RGS7: variants seen among roughly 807,000 people sequenced by gnomAD.
RGS7 encodes regulator of G protein signaling 7.
In RGS7, 27 loss-of-function variants were observed where a neutral mutation model predicts 81.1. The ratio of observed to expected loss-of-function variants is 0.33; its 90% CI spans 0.25 to 0.46. RGS7 has a LOEUF of 0.46. Ranked by LOEUF, RGS7 falls within the 20% of genes least tolerant of loss-of-function variation. The pLI, the probability that RGS7 is intolerant of heterozygous loss-of-function variation, is 1.00. For missense variants in RGS7, 396 were observed against 607.4 expected, an observed-to-expected ratio of 0.65 and a Z score of 3.66; for synonymous variants, 208 against 207.7, an observed-to-expected ratio of 1.00 and a Z score of -0.01.
intron 2 of RGS7, among the ~76,000 whole-genome samples, chr1:241,299,291 A>G (rs977446199): frequency 5.3e-5 from 8 of 152,104 alleles, no homozygotes; most frequent in Admixed American, 6.6e-5. Context: ...CCGTGTTTCC[A>G]TTATTCCCTC....
At chr1:240,944,890 T>C (rs1179606494) in intron 4 of RGS7, among the ~76,000 whole-genome samples, 1 of 152,242 alleles carries the variant, frequency 6.6e-6, no homozygotes, top group East Asian at 1.9e-4. Context: ...ATTTTTGTAT[T>C]TTAGTAGAGA....
At chr1:241,075,070 T>G (rs1415699710) in intron 3 of RGS7, among the ~76,000 whole-genome samples, 1 of 152,148 alleles carries the variant, frequency 6.6e-6, no homozygotes, top group African/African-American at 2.4e-5. Context: ...TCCAATAGCC[T>G]CTACAGAAAG....
intron 2 of RGS7, among the ~76,000 whole-genome samples, chr1:241,221,043 GAAA>G (rs2074947497): frequency 2.4e-5 from 2 of 83,086 alleles, no homozygotes; most frequent in East Asian, 5.9e-4. Flanking sequence ...GGAAGGAAAA[GAAA>G]GAAAGAAAGA....
intron 9 of RGS7, among the ~76,000 whole-genome samples, chr1:240,838,886 C>G (rs1220400339): frequency 6.6e-6 from 1 of 152,058 alleles, no homozygotes; most frequent in Non-Finnish European, 1.5e-5. Flanking sequence ...CCTGCCTCAG[C>G]CTCCTAATTA....
At chr1:240,991,560 A>G (rs1164916721) in intron 3 of RGS7, among the ~76,000 whole-genome samples, 1 of 152,228 alleles carries the variant, frequency 6.6e-6, no homozygotes, top group African/African-American at 2.4e-5. Flanking sequence ...CTTGATGTGC[A>G]GCCTTTATTT....
intron 3 of RGS7, among the ~76,000 whole-genome samples, chr1:241,080,145 G>T (rs1413631869): frequency 6.6e-6 from 1 of 151,860 alleles, no homozygotes; most frequent in Non-Finnish European, 1.5e-5. Flanking sequence ...GTCAAAATGG[G>T]ATTTATTTAG....
intron 10 of RGS7, among the ~76,000 whole-genome samples, chr1:240,824,389 T>A (rs1451532028): frequency 6.6e-6 from 1 of 152,224 alleles, no homozygotes; most frequent in Non-Finnish European, 1.5e-5. Context: ...TAGCTTCCAC[T>A]TCCTGAGCAG....
chr1:240,988,352 T>G (rs1685977979), intron 3 of RGS7, among the ~76,000 whole-genome samples: 1 of 151,980 alleles, frequency 6.6e-6, no homozygotes, highest in Admixed American at 6.6e-5. Flanking sequence ...TAAATTAAAC[T>G]CAATTGAATT....
intron 6 of RGS7, among the ~76,000 whole-genome samples, chr1:240,886,076 T>C (rs1027006026): frequency 1.4e-4 from 22 of 152,330 alleles, no homozygotes; most frequent in Middle Eastern, 3.4e-3. Context: ...AGAAATACCA[T>C]ACTTTAACTG....
chr1:240,930,571 C>T lies in RGS7; in HGVS notation c.385+146G>A, dbSNP rs1675266867. ...GGTCTGGTGACTTTCCAAACAAAGCCGCTTATCAATTCAATGTTAAAAATA... is the reference window on the plus strand; with the variant it reads ...GGTCTGGTGACTTTCCAAACAAAGCTGCTTATCAATTCAATGTTAAAAATA... On this transcript the variant is annotated intron_variant, in intron 6 of 18. Transcript: ENST00000440928. 3.5e-5 allele frequency: 28 copies of T among 799,418 alleles called. 1 individual carries two copies. In the South Asian group the frequency reaches 3.7e-4, roughly 11 times the overall value. The allele number at this position is 799,418 out of a possible 1,614,324, so 49.5% of individuals were successfully genotyped here.
At chr1:241,285,053 G>A (rs1005056196) in intron 2 of RGS7, among the ~76,000 whole-genome samples, 5 of 151,998 alleles carry the variant, frequency 3.3e-5, no homozygotes, top group African/African-American at 1.2e-4. Context: ...TATATTTTTA[G>A]TAGAGACGGG....
intron 5 of RGS7, among the ~76,000 whole-genome samples, chr1:240,932,133 C>T (rs1202925023): frequency 6.6e-6 from 1 of 152,180 alleles, no homozygotes; most frequent in East Asian, 1.9e-4. Flanking sequence ...ATAGGGAGAA[C>T]TGTTTGAATC....
At chr1:241,332,566 G>A (rs983996614) in intron 2 of RGS7, among the ~76,000 whole-genome samples, 1 of 152,148 alleles carries the variant, frequency 6.6e-6, no homozygotes, top group Non-Finnish European at 1.5e-5. Context: ...AGGACTGAAT[G>A]AGACAACTTC....
intron 9 of RGS7, among the ~76,000 whole-genome samples, chr1:240,838,776 T>A (rs1021376009): frequency 5.3e-5 from 8 of 151,836 alleles, no homozygotes; most frequent in Non-Finnish European, 1.2e-4. Context: ...TATTATTTTT[T>A]TTTTTTTTGA....
intron 3 of RGS7, among the ~76,000 whole-genome samples, chr1:241,048,794 G>C (rs186886151): frequency 2.0e-4 from 30 of 152,170 alleles, no homozygotes; most frequent in Admixed American, 3.3e-4. Flanking sequence ...CCACCAACTG[G>C]GTGGCTTAAA....
chr1:241,247,009 G>T (rs2076580750), intron 2 of RGS7, among the ~76,000 whole-genome samples: 1 of 151,896 alleles, frequency 6.6e-6, no homozygotes, highest in Non-Finnish European at 1.5e-5. Flanking sequence ...AGAAAATTTT[G>T]CAAAAGACTA....
intron 3 of RGS7, among the ~76,000 whole-genome samples, chr1:241,073,916 T>C (rs1022375719): frequency 3.9e-5 from 6 of 152,062 alleles, no homozygotes; most frequent in African/African-American, 1.2e-4. Context: ...TTTTTTTTTT[T>C]TTTTGATAGA....
chr1:240,788,399 G>A (rs1572082884), intron 18 of RGS7, among the ~76,000 whole-genome samples: 1 of 152,126 alleles, frequency 6.6e-6, no homozygotes, highest in African/African-American at 2.4e-5. Flanking sequence ...TGACATTTGT[G>A]GCTCTTGACA....
rs200184611 is a variant in RGS7, at chr1:240,806,346, G to A, written c.1083-20C>T. 135 of 1,611,742 alleles carry A rather than the reference G, an allele frequency of 8.4e-5. No individual in the cohort carries two copies. In the Middle Eastern group the frequency reaches 9.9e-4, roughly 12 times the overall value. On this transcript the variant is annotated intron_variant, in intron 14 of 18. Transcript: ENST00000440928. Reference sequence around the variant, plus strand: ...CAGAATCTATGCAGAATGTGAGATCGGGTGTTTACTCTGATGGCCCATCAT... The same window carrying A: ...CAGAATCTATGCAGAATGTGAGATCAGGTGTTTACTCTGATGGCCCATCAT...
Sources: gnomAD v4.1 joint callset for allele counts (sites outside exome capture counted in the v4.1 genomes callset) on GRCh38, gnomAD v4.1.1 for gene constraint, MANE v1.5 for transcripts, NCBI Gene and HGNC (gene_info 2026-07-23, HGNC 2026-07-21) for gene names.